Variants in CAMK1D observed in about 807,000 individuals in gnomAD.
CAMK1D encodes the protein calcium/calmodulin dependent protein kinase ID, also known as calcium/calmodulin-dependent protein kinase type 1D.
Under a neutral mutation model 47.7 loss-of-function variants are expected in CAMK1D, and 9 were observed. The observed-to-expected ratio is 0.19, with a 90% CI of 0.11 to 0.33. The LOEUF (loss-of-function observed/expected upper bound fraction) is 0.33, where lower values mean the gene tolerates loss of function less well. Among genes scored for constraint, CAMK1D ranks in the 10% least tolerant of loss-of-function variants. The pLI is 1.00. For missense variants in CAMK1D, 291 were observed against 488.7 expected, an observed-to-expected ratio of 0.60 and a Z score of 3.81; for synonymous variants, 184 against 184.9, an observed-to-expected ratio of 0.99 and a Z score of 0.04.
At chr10:12,798,076 A>G (rs922295811) in intron 6 of CAMK1D, among the ~76,000 whole-genome samples, 1 of 152,228 alleles carries the variant, frequency 6.6e-6, no homozygotes, top group Non-Finnish European at 1.5e-5. Flanking sequence ...CATGAGGTAG[A>G]GAGGGCACCA....
chr10:12,728,434 G>C (rs1280426052), intron 3 of CAMK1D, among the ~76,000 whole-genome samples: 1 of 152,208 alleles, frequency 6.6e-6, no homozygotes, highest in Non-Finnish European at 1.5e-5. Context: ...TTAGCTGGGA[G>C]TAATTGGCCA....
intron 8 of CAMK1D, among the ~76,000 whole-genome samples, chr10:12,817,894 G>A (rs960561167): frequency 6.6e-6 from 1 of 152,056 alleles, no homozygotes; most frequent in Non-Finnish European, 1.5e-5. Context: ...TCGCCATGTT[G>A]GCCAGGGTGG....
At chr10:12,654,540 C>G (rs1840065571) in intron 2 of CAMK1D, among the ~76,000 whole-genome samples, 2 of 152,096 alleles carry the variant, frequency 1.3e-5, no homozygotes, top group Non-Finnish European at 2.9e-5. Context: ...GTTTCAAAGT[C>G]TTGCTAAGAA....
At chr10:12,583,850 C>T (rs112891536) in intron 2 of CAMK1D, among the ~76,000 whole-genome samples, 3,308 of 152,290 alleles carry the variant, frequency 0.022, 43 homozygotes, top group Non-Finnish European at 0.035. Context: ...CCGCCTGCCT[C>T]TGCCTCCCAT....
chr10:12,706,876 C>T (rs1564508117), intron 3 of CAMK1D, among the ~76,000 whole-genome samples: 1 of 152,138 alleles, frequency 6.6e-6, no homozygotes, highest in Non-Finnish European at 1.5e-5. Context: ...ATAACTCGGC[C>T]CTTGGTCCAT....
intron 1 of CAMK1D, among the ~76,000 whole-genome samples, chr10:12,499,688 G>A (rs1834643817): frequency 1.3e-5 from 2 of 152,188 alleles, no homozygotes; most frequent in African/African-American, 2.4e-5. Flanking sequence ...AGCAGACCAG[G>A]CAGTGAAGAA....
intron 6 of CAMK1D, among the ~76,000 whole-genome samples, chr10:12,796,265 T>G (rs1159347872): frequency 6.6e-6 from 1 of 152,028 alleles, no homozygotes; most frequent in Non-Finnish European, 1.5e-5. Flanking sequence ...GCTGGACGGG[T>G]GGGCTGAACT....
At chr10:12,671,617 A>G (rs969546239) in intron 3 of CAMK1D, among the ~76,000 whole-genome samples, 3 of 151,800 alleles carry the variant, frequency 2.0e-5, no homozygotes, top group Non-Finnish European at 4.4e-5. Context: ...ATATATATAT[A>G]TATGGAGATA....
At chr10:12,398,318 A>G (rs1839038769) in intron 1 of CAMK1D, among the ~76,000 whole-genome samples, 1 of 152,124 alleles carries the variant, frequency 6.6e-6, no homozygotes, top group South Asian at 2.1e-4. Flanking sequence ...CTGTGGCTAG[A>G]GGGCCTACAT....
intron 1 of CAMK1D, among the ~76,000 whole-genome samples, chr10:12,411,066 C>T (rs1839639385): frequency 6.6e-6 from 1 of 152,150 alleles, no homozygotes. Flanking sequence ...CATTGTGCTT[C>T]TGTAATGGAT....
At chr10:12,706,790 C>A (rs114993452) in intron 3 of CAMK1D, among the ~76,000 whole-genome samples, 6 of 151,902 alleles carry the variant, frequency 3.9e-5, no homozygotes, top group Non-Finnish European at 5.9e-5. Flanking sequence ...TCCATTCATT[C>A]CCTCAGTTAT....
chr10:12,617,168 A>G (rs959276315), intron 2 of CAMK1D, among the ~76,000 whole-genome samples: 5 of 152,172 alleles, frequency 3.3e-5, no homozygotes, highest in African/African-American at 1.2e-4. Flanking sequence ...AAAACATTTA[A>G]GCTTTGCAGT....
chr10:12,708,879 C>T (rs1235254120), intron 3 of CAMK1D, among the ~76,000 whole-genome samples: 1 of 152,200 alleles, frequency 6.6e-6, no homozygotes, highest in Non-Finnish European at 1.5e-5. Flanking sequence ...TCTGTAATCC[C>T]AGCACTTTGA....
intron 1 of CAMK1D, among the ~76,000 whole-genome samples, chr10:12,481,769 A>C (rs2132100220): frequency 1.3e-5 from 2 of 152,240 alleles, no homozygotes; most frequent in East Asian, 3.9e-4. Context: ...TGGCCTCCCA[A>C]AGTGCTGGGA....
intron 1 of CAMK1D, among the ~76,000 whole-genome samples, chr10:12,424,812 C>CA (rs1368879507): frequency 6.6e-6 from 1 of 152,002 alleles, no homozygotes; most frequent in East Asian, 1.9e-4. Flanking sequence ...CCATCTCACA[C>CA]AAAAAAACCA....
chr10:12,477,080 C>G (rs947275272), intron 1 of CAMK1D, among the ~76,000 whole-genome samples: 1 of 152,004 alleles, frequency 6.6e-6, no homozygotes, highest in Non-Finnish European at 1.5e-5. Flanking sequence ...TCGCCAATGC[C>G]CGGGGCATGG....
In CAMK1D at chr10:12,764,394, A is replaced by AAAAAAAAC. The variant is rs1554822781; in HGVS notation, c.438+3312_438+3313insAAACAAAA. 1.5e-4 allele frequency among the ~76,000 whole-genome samples: 23 copies of AAAAAAAAC among 151,546 alleles called. 1 individual carries two copies. The highest frequency in any genetic ancestry group is 4.2e-4 in the South Asian group (2 of 4,784). On this transcript the variant is annotated intron_variant, in intron 4 of 10. Transcript: ENST00000619168. ...GACACTTTGTCTCAAAAAAAAAAAA[A>AAAAAAAAC]AAAACATTGATCTAAACTGTGAATG...
At chr10:12,521,702 A>G (rs1344815650) in intron 1 of CAMK1D, among the ~76,000 whole-genome samples, 1 of 152,180 alleles carries the variant, frequency 6.6e-6, no homozygotes, top group Non-Finnish European at 1.5e-5. Flanking sequence ...TAACCATCCA[A>G]GTATAATGTT....
At position 12,833,854 on chromosome 10, in the gene CAMK1D, C is replaced by G. The variant is rs1042714502; in HGVS notation, c.*4967C>G. ...GTACTTCTTCCCTATTCTGTCTACC[C>G]ACACTCTGCGAACTTTGCCTTTTCC... is the stretch of plus-strand genomic sequence containing the variant. On this transcript the variant is annotated 3_prime_UTR_variant, in exon 11 of 11. Transcript: ENST00000619168. 1.3e-5 allele frequency: 2 copies of G among 151,356 alleles called. No individual in the cohort carries two copies. Among genetic ancestry groups the G allele is most frequent in the African/African-American group, 4.9e-5 (2 of 41,060 alleles). The allele number at this position is 151,356 out of a possible 1,614,324, so 9.4% of individuals were successfully genotyped here. A position where few individuals can be genotyped will look rare whatever the true frequency, so the allele number is the denominator to read the frequency against.
Sources: allele counts gnomAD v4.1 joint callset (sites outside exome capture counted in the v4.1 genomes callset), GRCh38; gene constraint gnomAD v4.1.1; transcripts MANE v1.5; gene names NCBI Gene and HGNC (gene_info 2026-07-23, HGNC 2026-07-21).